DPF3: variants seen among roughly 807,000 people sequenced by gnomAD.
The protein encoded by DPF3 is double PHD fingers 3.
DPF3 carries 18 observed loss-of-function variants against 56.8 expected under a neutral mutation model. The observed-to-expected ratio is 0.32, with a 90% confidence interval of 0.22 to 0.47. DPF3 has a LOEUF of 0.47. Among genes scored for constraint, DPF3 ranks in the 20% least tolerant of loss-of-function variants. The pLI is 1.00. For synonymous variants in DPF3, 188 were observed against 180.2 expected (o/e 1.04, Z -0.35); for missense variants, 403 against 488.8 (o/e 0.82, Z 1.65).
chr14:72,688,001 C>T (rs1339876803), intron 7 of DPF3, among the ~76,000 whole-genome samples: 1 of 151,774 alleles, frequency 6.6e-6, no homozygotes, highest in Non-Finnish European at 1.5e-5. Flanking sequence ...TCTGTACACA[C>T]CCCATTGCAC....
chr14:72,822,368 G>GA (rs1309273097), intron 1 of DPF3, among the ~76,000 whole-genome samples: 18 of 152,140 alleles, frequency 1.2e-4, no homozygotes, highest in African/African-American at 4.1e-4. Context: ...TGGGCAACAA[G>GA]AGTGAAACTC....
rs1884288043 is a variant in DPF3, at chr14:72,836,216, T to G, written c.32+57841A>C. The G allele has an allele frequency of 7.1e-6, 7 of 985,672 alleles. No individual in the cohort carries two copies. In the South Asian group the frequency reaches 3.3e-4, roughly 46 times the overall value. 61.1% of individuals were successfully genotyped at this position (985,672 alleles called of 1,614,324 possible). On this transcript the variant is annotated intron_variant, in intron 1 of 10. Coordinates refer to ENST00000556509, the MANE Select transcript of DPF3 (RefSeq NM_001280542.3). ...GCACTGAGGACAGAGCACGGTGTTC[T>G]GCAGATCATATCACATCTCTACTTC...
At chr14:72,881,339 T>TTGTTGTTGTTGC (rs1886316420) in intron 1 of DPF3, among the ~76,000 whole-genome samples, 1 of 141,208 alleles carries the variant, frequency 7.1e-6, no homozygotes, top group African/African-American at 2.6e-5. Context: ...GTTGTTGCTG[T>TTGTTGTTGTTGC]TGTTGTTGTT....
chr14:72,758,098 A>G (rs1890913901), intron 2 of DPF3, among the ~76,000 whole-genome samples: 1 of 152,224 alleles, frequency 6.6e-6, no homozygotes, highest in African/African-American at 2.4e-5. Context: ...CTCATAATAT[A>G]CCATTGGAAC....
At chr14:72,738,387 A>T (rs1329966798) in intron 3 of DPF3, among the ~76,000 whole-genome samples, 4 of 152,102 alleles carry the variant, frequency 2.6e-5, no homozygotes. Flanking sequence ...TCCCTCCCCC[A>T]TATGGCCTCT....
At chr14:72,887,952 T>C (rs1260472598) in intron 1 of DPF3, among the ~76,000 whole-genome samples, 1 of 152,096 alleles carries the variant, frequency 6.6e-6, no homozygotes, top group Non-Finnish European at 1.5e-5. Flanking sequence ...CAGCAGATTT[T>C]CAAGGTGAAT....
intron 1 of DPF3, among the ~76,000 whole-genome samples, chr14:72,844,213 A>G (rs1884661533): frequency 6.6e-6 from 1 of 152,240 alleles, no homozygotes; most frequent in African/African-American, 2.4e-5. Context: ...GTCTAATTTC[A>G]GAACAAAACG....
intron 1 of DPF3, among the ~76,000 whole-genome samples, chr14:72,874,226 C>T (rs540435710): frequency 3.5e-4 from 53 of 151,344 alleles, no homozygotes; most frequent in African/African-American, 1.3e-3. Flanking sequence ...CACCTATAAT[C>T]CCAGCACTTT....
intron 1 of DPF3, among the ~76,000 whole-genome samples, chr14:72,874,568 G>T (rs989326711): frequency 6.6e-5 from 10 of 152,152 alleles, no homozygotes; most frequent in Admixed American, 6.5e-4. Flanking sequence ...ATCTCTAGGG[G>T]AGTCTCTAGG....
chr14:72,803,197 C>A (rs1016569464), intron 1 of DPF3, among the ~76,000 whole-genome samples: 1 of 152,234 alleles, frequency 6.6e-6, no homozygotes, highest in Non-Finnish European at 1.5e-5. Flanking sequence ...ATCCAGTGGC[C>A]TTTCTGTCCC....
chr14:72,873,911 C>G (rs527487385), intron 1 of DPF3, among the ~76,000 whole-genome samples: 9 of 143,508 alleles, frequency 6.3e-5, no homozygotes, highest in South Asian at 2.4e-4. Flanking sequence ...CATCACACAC[C>G]GGGGCCTGTT....
In DPF3 at chr14:72,786,177, C is replaced by T. The variant is rs188925462; in HGVS notation, c.33-14284G>A. On this transcript the variant is annotated intron_variant, in intron 1 of 10. Transcript: ENST00000556509. Reference sequence around the variant, plus strand: ...ACTCAGGAGGCTGAGGCAGGAGAATCGCTTAAACCCGGGAAGCGGAGGTTG... The same window carrying T: ...ACTCAGGAGGCTGAGGCAGGAGAATTGCTTAAACCCGGGAAGCGGAGGTTG... Among the ~76,000 whole-genome samples the T allele has an allele frequency of 5.3e-3, 809 of 152,050 alleles. 10 individuals carry two copies. Among genetic ancestry groups the T allele is most frequent in the Non-Finnish European group, 6.5e-3 (444 of 67,990 alleles).
At chr14:72,751,163 C>A (rs1890557550) in intron 3 of DPF3, among the ~76,000 whole-genome samples, 1 of 152,056 alleles carries the variant, frequency 6.6e-6, no homozygotes. Flanking sequence ...GCACACCAGA[C>A]TGGGCAACAG....
At chr14:72,819,986 T>C (rs1382680051) in intron 1 of DPF3, among the ~76,000 whole-genome samples, 1 of 152,156 alleles carries the variant, frequency 6.6e-6, no homozygotes, top group Non-Finnish European at 1.5e-5. Flanking sequence ...ACATGAACTC[T>C]TAGAATCAGC....
At chr14:72,863,090 A>ATGTGTGTG (rs1843186519) in intron 1 of DPF3, among the ~76,000 whole-genome samples, 1 of 118,966 alleles carries the variant, frequency 8.4e-6, no homozygotes, top group Admixed American at 8.5e-5. Context: ...ATATATATAT[A>ATGTGTGTG]TATATATATA....
chr14:72,845,914 G>A (rs1884731257), intron 1 of DPF3, among the ~76,000 whole-genome samples: 1 of 152,110 alleles, frequency 6.6e-6, no homozygotes, highest in Non-Finnish European at 1.5e-5. Context: ...CCTTGTCAGT[G>A]CAGCACCCGG....
chr14:72,816,087 T>A (rs1207498233), intron 1 of DPF3, among the ~76,000 whole-genome samples: 1 of 152,228 alleles, frequency 6.6e-6, no homozygotes, highest in Non-Finnish European at 1.5e-5. Flanking sequence ...CCCTAAGGCC[T>A]CTGAATCCAA....
At position 72,610,004 on chromosome 14, in the gene DPF3, C is replaced by G. The variant is rs759051673; in HGVS notation, c.*9293G>C. On this transcript the variant is annotated 3_prime_UTR_variant, in exon 11 of 11. Coordinates refer to ENST00000556509, the MANE Select transcript of DPF3 (RefSeq NM_001280542.3). The stretch of plus-strand genomic sequence containing the variant: ...GAAACCCTCTTTCATAGGCATTTCT[C>G]TCACTGGAGACCCACTCTCTTGGTC... Among the ~76,000 whole-genome samples, 45 of 152,338 alleles carry G rather than the reference C, an allele frequency of 3.0e-4. No homozygotes were observed. Among genetic ancestry groups the G allele is most frequent in the Non-Finnish European group, 5.7e-4 (39 of 68,042 alleles).
chr14:72,858,098 A>G (rs1298093485), intron 1 of DPF3, among the ~76,000 whole-genome samples: 2 of 151,994 alleles, frequency 1.3e-5, no homozygotes, highest in African/African-American at 4.8e-5. Flanking sequence ...TGAGGCCAGG[A>G]GTTCAAGACT....
Sources: allele counts gnomAD v4.1 joint callset (sites outside exome capture counted in the v4.1 genomes callset), GRCh38; gene constraint gnomAD v4.1.1; transcripts MANE v1.5; gene names NCBI Gene and HGNC (gene_info 2026-07-23, HGNC 2026-07-21).